The following RNF220 variants were observed in gnomAD, a reference collection of about 807,000 sequenced individuals.
RNF220 encodes the protein E3 ubiquitin-protein ligase RNF220.
In RNF220, 7 loss-of-function variants were observed where a neutral mutation model predicts 67.1. That is an observed-to-expected ratio of 0.10 (90% CI 0.06 to 0.20). The LOEUF is 0.20. Ranked by LOEUF, RNF220 falls within the 10% of genes least tolerant of loss-of-function variation. The probability of loss-of-function intolerance (pLI) is 1.00; values close to 1 mark genes in which losing one functional copy is unlikely to be tolerated. For missense variants in RNF220, 565 were observed against 740.3 expected (o/e 0.76, Z 2.75); for synonymous variants, 270 against 283.2 (o/e 0.95, Z 0.47).
At position 44,412,695 on chromosome 1, in the gene RNF220, T is replaced by C; in HGVS notation, c.598T>C (p.Ser200Pro). Residue 200 changes from serine to proline, a missense_variant, in exon 2 of 15, where the codon TCT (serine) becomes CCT (proline). Coordinates refer to ENST00000361799, the MANE Select transcript of RNF220 (RefSeq NM_018150.4). The surrounding 1 kb of genome is among the most constrained non-coding windows in gnomAD (Gnocchi z 5.3). ...SGLISDREASSSPEDRNDRCK... is the reference protein window; with the variant it reads ...SGLISDREASPSPEDRNDRCK... ...CCTCATTTCTGATCGGGAAGCCTCA[T>C]CTAGCCCAGAGGATCGGAATGACAG... The C allele has an allele frequency of 1.2e-6, 2 of 1,614,138 alleles. No individual in the cohort carries two copies. Among genetic ancestry groups the C allele is most frequent in the Non-Finnish European group, 8.5e-7 (1 of 1,180,026 alleles).
At chr1:44,617,200 C>G (rs1643590921) in intron 3 of RNF220, among the ~76,000 whole-genome samples, 1 of 152,226 alleles carries the variant, frequency 6.6e-6, no homozygotes, top group Admixed American at 6.5e-5. Context: ...AAGTGAAATT[C>G]CCGTCGGATC....
chr1:44,589,888 A>G (rs1665993521), intron 2 of RNF220, among the ~76,000 whole-genome samples: 1 of 152,186 alleles, frequency 6.6e-6, no homozygotes, highest in Admixed American at 6.6e-5. Flanking sequence ...GTCTGGGGGT[A>G]TGAGGCAGGG....
At chr1:44,427,405 T>C (rs1410077270) in intron 2 of RNF220, among the ~76,000 whole-genome samples, 1 of 152,216 alleles carries the variant, frequency 6.6e-6, no homozygotes, top group Non-Finnish European at 1.5e-5. Context: ...CCTTTTGCAG[T>C]GTGGCAGCCC....
chr1:44,645,405 A>G lies in RNF220; in HGVS notation c.1367-5A>G. The G allele has an allele frequency of 1.9e-6, 3 of 1,613,998 alleles. No individual in the cohort carries two copies. The South Asian group carries it at 3.3e-5, about 18-fold the overall frequency. On this transcript the variant is annotated splice_region_variant and splice_polypyrimidine_tract_variant and intron_variant, in intron 11 of 14. Coordinates refer to ENST00000361799, the MANE Select transcript of RNF220 (RefSeq NM_018150.4). This position sits in a 1 kb window ranked among gnomAD's most constrained non-coding sequence, Gnocchi z 5.0. ...GGAGTGTGAGTTGCCCCTCTGTCCCAGCAGAGATGCCATCCACCAGCAATG... is the reference window on the plus strand; with the variant it reads ...GGAGTGTGAGTTGCCCCTCTGTCCCGGCAGAGATGCCATCCACCAGCAATG...
At chr1:44,547,498 GTTCTCCTTGC>G (rs1347764457) in intron 2 of RNF220, among the ~76,000 whole-genome samples, 1 of 151,826 alleles carries the variant, frequency 6.6e-6, no homozygotes, top group African/African-American at 2.4e-5. Context: ...CCACCTCCTG[GTTCTCCTTGC>G]AGACAGCTCC....
chr1:44,461,633 GAGTAC>G (rs1167728756), intron 2 of RNF220, among the ~76,000 whole-genome samples: 1 of 152,180 alleles, frequency 6.6e-6, no homozygotes. Context: ...TGGCTCTCAG[GAGTAC>G]TGCTACTGCC....
At chr1:44,468,116 CA>C (rs1654444448) in intron 2 of RNF220, among the ~76,000 whole-genome samples, 1 of 147,068 alleles carries the variant, frequency 6.8e-6, no homozygotes, top group South Asian at 2.1e-4. Flanking sequence ...GACGCAGACA[CA>C]AAGTGAGCAC....
intron 6 of RNF220, chr1:44,632,719 CA>C (rs1378548949): frequency 2.2e-6 from 1 of 461,398 alleles, no homozygotes; most frequent in African/African-American, 1.9e-5. Context: ...CCTCACTATA[CA>C]AACCTGCAGG....
chr1:44,491,643 C>G (rs1198349914), intron 2 of RNF220, among the ~76,000 whole-genome samples: 1 of 151,750 alleles, frequency 6.6e-6, no homozygotes, highest in Admixed American at 6.6e-5. Context: ...AGATCAGGAA[C>G]AAGACAAGGA....
intron 3 of RNF220, among the ~76,000 whole-genome samples, chr1:44,619,492 G>T (rs1045910802): frequency 6.6e-6 from 1 of 152,202 alleles, no homozygotes; most frequent in Non-Finnish European, 1.5e-5. Context: ...TACAAAGGCG[G>T]CTGGTGATGA....
At chr1:44,551,740 A>G (rs1452263453) in intron 2 of RNF220, among the ~76,000 whole-genome samples, 2 of 152,114 alleles carry the variant, frequency 1.3e-5, no homozygotes, top group Non-Finnish European at 2.9e-5. Context: ...CCCACCTCCA[A>G]TTCACCTTGT....
At chr1:44,562,369 G>T (rs17386574) in intron 2 of RNF220, among the ~76,000 whole-genome samples, 2 of 152,032 alleles carry the variant, frequency 1.3e-5, no homozygotes, top group Non-Finnish European at 1.5e-5. Context: ...CATGTGTCAG[G>T]GCCCGCTTGT....
At chr1:44,644,640 A>AG in intron 8 of RNF220, 58 bp from the exon 9 acceptor site, 2 of 1,394,916 alleles carry the variant, frequency 1.4e-6, no homozygotes, top group Non-Finnish European at 2.0e-6. Flanking sequence ...AGGCAACAGG[A>AG]GGGGCACCCT....
At chr1:44,594,970 T>C (rs999665650) in intron 2 of RNF220, among the ~76,000 whole-genome samples, 1 of 152,124 alleles carries the variant, frequency 6.6e-6, no homozygotes, top group Non-Finnish European at 1.5e-5. Context: ...AGGGTGAAGA[T>C]TGGCTTTGGA....
At chr1:44,516,007 C>A (rs2148138815) in intron 2 of RNF220, among the ~76,000 whole-genome samples, 1 of 152,332 alleles carries the variant, frequency 6.6e-6, no homozygotes, top group Non-Finnish European at 1.5e-5. Context: ...ACCTTCAGAT[C>A]TGCCTCCCTT....
Position 44,445,676 on chromosome 1 carries a change from G to A in RNF220, c.625+32954G>A, listed in dbSNP as rs373479399. Among the ~76,000 whole-genome samples, 181 of 152,204 alleles carry A rather than the reference G, an allele frequency of 1.2e-3. 4 individuals are homozygous for A. In the South Asian group the frequency reaches 0.036, roughly 30 times the overall value. ...CTTCTGAAACTCAACTCAAAGGTCC[G>A]CTCCTCTATAAAACCTTTACCAACT... On this transcript the variant is annotated intron_variant, in intron 2 of 14. Coordinates refer to ENST00000361799, the MANE Select transcript of RNF220 (RefSeq NM_018150.4).
At chr1:44,436,386 G>A (rs1255057972) in intron 2 of RNF220, among the ~76,000 whole-genome samples, 3 of 143,906 alleles carry the variant, frequency 2.1e-5, no homozygotes, top group African/African-American at 5.2e-5. Flanking sequence ...TTTTCTTGTC[G>A]AGATCGTGTG....
chr1:44,547,496 T>C (rs1163632544), intron 2 of RNF220, among the ~76,000 whole-genome samples: 4 of 152,132 alleles, frequency 2.6e-5, no homozygotes, highest in Non-Finnish European at 5.9e-5. Flanking sequence ...TACCACCTCC[T>C]GGTTCTCCTT....
At chr1:44,436,534 G>T (rs540401897) in intron 2 of RNF220, among the ~76,000 whole-genome samples, 1 of 152,262 alleles carries the variant, frequency 6.6e-6, no homozygotes, top group Non-Finnish European at 1.5e-5. Flanking sequence ...ATTTTGCCCA[G>T]TTTAAATCCC....
Sources: allele counts gnomAD v4.1 joint callset (sites outside exome capture counted in the v4.1 genomes callset), GRCh38; gene constraint gnomAD v4.1.1; non-coding constraint Gnocchi (gnomAD v3.1); transcripts MANE v1.5; gene names NCBI Gene and HGNC (gene_info 2026-07-23, HGNC 2026-07-21).